FAM149A: variants seen among roughly 807,000 people sequenced by gnomAD.
FAM149A encodes the protein family with sequence similarity 149 member A, also known as protein FAM149A.
Under a neutral mutation model 78.2 loss-of-function variants are expected in FAM149A, and 71 were observed. The observed-to-expected ratio is 0.91, with a 90% CI of 0.75 to 1.11. FAM149A has a LOEUF of 1.11. FAM149A is among the 50% of genes least tolerant of loss of function. FAM149A has a pLI of 0.00. For missense variants in FAM149A, 1,036 were observed against 971.0 expected, an observed-to-expected ratio of 1.07 and a Z score of -0.89; for synonymous variants, 446 against 410.5, an observed-to-expected ratio of 1.09 and a Z score of -1.04.
chr4:186,154,341 A>T, intron 5 of FAM149A, 127 bp from the exon 6 acceptor site: 4 of 734,008 alleles, frequency 5.4e-6, no homozygotes, highest in Non-Finnish European at 8.4e-6. Context: ...CCAATGTAAT[A>T]TTCAACCGTT....
intron 3 of FAM149A, chr4:186,151,685 T>C (rs1733599134): frequency 1.0e-6 from 1 of 981,200 alleles, no homozygotes; most frequent in Non-Finnish European, 1.2e-6. Flanking sequence ...GTTTTCTCTA[T>C]TTAACAGTAA....
intron 1 of FAM149A, chr4:186,118,016 G>T (rs2150087440): frequency 1.0e-6 from 1 of 985,368 alleles, no homozygotes; most frequent in Middle Eastern, 5.2e-4. Flanking sequence ...GTTCACTCTG[G>T]GATACACACC....
At position 186,172,025 on chromosome 4, in the gene FAM149A, C is replaced by T. The variant is rs781405762; in HGVS notation, c.*38C>T. Reference sequence around the variant, plus strand: ...AGAACCATTGGAGCACCTGTGGCCTCGGCACACTGCTTATCACTTGAAAAA... The same window carrying T: ...AGAACCATTGGAGCACCTGTGGCCTTGGCACACTGCTTATCACTTGAAAAA... On this transcript the variant is annotated 3_prime_UTR_variant, in exon 14 of 14. Transcript: ENST00000389354. 40 of 1,601,056 alleles carry T rather than the reference C, an allele frequency of 2.5e-5. No individual in the cohort carries two copies. The highest frequency in any genetic ancestry group is 7.0e-5 in the Admixed American group (4 of 57,298).
At chr4:186,117,890 T>C (rs922773894) in intron 1 of FAM149A, 30 of 982,948 alleles carry the variant, frequency 3.1e-5, no homozygotes, top group Non-Finnish European at 3.4e-5. Context: ...CGGCAACACA[T>C]AGGTGAGGCT....
intron 1 of FAM149A, among the ~76,000 whole-genome samples, chr4:186,137,396 G>GCACATTCATA: frequency 6.6e-6 from 1 of 152,132 alleles, no homozygotes; most frequent in South Asian, 2.1e-4. Flanking sequence ...TGTCCCTCAT[G>GCACATTCATA]CACATTCATA....
rs866830876 is a variant in FAM149A at position 186,104,993 on chromosome 4, C to T, written c.-84C>T. On this transcript the variant is annotated 5_prime_UTR_variant, in exon 1 of 14. Coordinates refer to ENST00000389354, the MANE Select transcript of FAM149A (RefSeq NM_001367768.3). ...CCGGGTGCGGGGACCTCAGGCTCCT[C>T]GCCCCGGCCCGGGCCGCCTCGGCCG... 7.3e-5 allele frequency: 90 copies of T among 1,224,566 alleles called. No homozygotes were observed. The African/African-American group carries it at 1.2e-3, about 17-fold the overall frequency. The allele number at this position is 1,224,566 out of a possible 1,614,324, so 75.9% of individuals were successfully genotyped here.
chr4:186,154,907 C>T, intron 6 of FAM149A: 1 of 985,288 alleles, frequency 1.0e-6, no homozygotes, highest in East Asian at 1.1e-4. Context: ...TTCCCCAGCC[C>T]TGGCTGCCCA....
intron 1 of FAM149A, 46 bp from the exon 2 acceptor site, chr4:186,149,127 A>G (rs1211462645): frequency 8.1e-7 from 1 of 1,240,460 alleles, no homozygotes; most frequent in Admixed American, 3.2e-5. Context: ...GAATAAAACT[A>G]TATTATTACA....
intron 1 of FAM149A, among the ~76,000 whole-genome samples, chr4:186,130,307 ATATATAT>A: frequency 1.2e-5 from 1 of 83,268 alleles, no homozygotes; most frequent in Non-Finnish European, 2.6e-5. Flanking sequence ...ATATATATAT[ATATATAT>A]AATCTATATC....
chr4:186,120,508 G>A (rs1419051289), intron 1 of FAM149A, among the ~76,000 whole-genome samples: 1 of 151,994 alleles, frequency 6.6e-6, no homozygotes, highest in Non-Finnish European at 1.5e-5. Context: ...AATCACGTTA[G>A]TAAGACCGGG....
chr4:186,150,565 G>T (rs199904403), intron 3 of FAM149A, among the ~76,000 whole-genome samples: 3 of 87,784 alleles, frequency 3.4e-5, no homozygotes, highest in Admixed American at 1.2e-4. Flanking sequence ...GACCACAGGC[G>T]CCCACCACCA....
chr4:186,104,908 C>A lies in FAM149A; in HGVS notation c.-169C>A. 18 of 956,944 alleles carry A rather than the reference C, an allele frequency of 1.9e-5. No homozygotes were observed. The highest frequency in any genetic ancestry group is 2.2e-5 in the Non-Finnish European group (18 of 804,100). 59.3% of individuals were successfully genotyped at this position (956,944 alleles called of 1,614,324 possible). ...CGGACCCGGGCCGGGGAAGGGCGAC[C>A]CCAGCGGCGCGGAGCTGAGCGTCCT... On this transcript the variant is annotated 5_prime_UTR_variant, in exon 1 of 14. Coordinates refer to ENST00000389354, the MANE Select transcript of FAM149A (RefSeq NM_001367768.3).
At chr4:186,169,572 G>A (rs1735359223) in intron 13 of FAM149A, 18 of 985,282 alleles carry the variant, frequency 1.8e-5, no homozygotes, top group Non-Finnish European at 2.0e-5. Flanking sequence ...ACAGGGAGTC[G>A]CCTCTCTGGC....
At chr4:186,163,008 C>A in intron 9 of FAM149A, 60 bp downstream of exon 9, 1 of 953,866 alleles carries the variant, frequency 1.0e-6, no homozygotes, top group Non-Finnish European at 1.7e-6. Flanking sequence ...AACACTGGAG[C>A]ACTGAAGACT....
At chr4:186,160,754 C>CCA in intron 8 of FAM149A, 1 of 963,270 alleles carries the variant, frequency 1.0e-6, no homozygotes, top group Non-Finnish European at 1.2e-6. Context: ...CCACACCACA[C>CCA]CACACACACA....
At position 186,167,076 on chromosome 4, in the gene FAM149A, A is replaced by G; in HGVS notation, c.2119A>G (p.Ser707Gly). The G allele has an allele frequency of 3.1e-6, 5 of 1,614,162 alleles. No individual in the cohort carries two copies. The highest frequency in any genetic ancestry group is 3.4e-6 in the Non-Finnish European group (4 of 1,179,984). Residue 707 changes from serine (S) to glycine (G), a missense_variant, in exon 12 of 14, where the codon AGC becomes GGC. Transcript: ENST00000389354. ...CACCCTGGAACGGTTGTCAAGGCCC[A>G]GCACAACCCACACGTTCCGGGTGGG...
intron 13 of FAM149A, chr4:186,169,534 G>C (rs994294406): frequency 9.1e-6 from 9 of 985,316 alleles, no homozygotes; most frequent in Non-Finnish European, 8.4e-6. Context: ...TGAGCACTCT[G>C]TCAACGTCAG....
chr4:186,139,888 G>C (rs1049465465), intron 1 of FAM149A, among the ~76,000 whole-genome samples: 2 of 152,174 alleles, frequency 1.3e-5, no homozygotes, highest in African/African-American at 2.4e-5. Context: ...AGCCAGGACT[G>C]CTCGTACTGG....
At chr4:186,155,791 A>G (rs75019529) in intron 6 of FAM149A, among the ~76,000 whole-genome samples, 15 of 152,316 alleles carry the variant, frequency 9.8e-5, no homozygotes, top group African/African-American at 2.9e-4. Context: ...TAGAAAAAAA[A>G]AGAAAGATCA....
Sources: gnomAD v4.1 joint callset for allele counts (sites outside exome capture counted in the v4.1 genomes callset) on GRCh38, gnomAD v4.1.1 for gene constraint, MANE v1.5 for transcripts, NCBI Gene and HGNC (gene_info 2026-07-23, HGNC 2026-07-21) for gene names.